SP100: variants seen among roughly 807,000 people sequenced by gnomAD.
SP100 encodes the protein SP100 nuclear body protein, also known as nuclear autoantigen Sp-100.
A neutral mutation model predicts 130.0 loss-of-function variants in SP100; 84 were observed. That is an observed-to-expected ratio of 0.65 (90% CI 0.54 to 0.77). SP100 has a LOEUF of 0.77. Ranked by LOEUF, SP100 falls within the 30% of genes least tolerant of loss-of-function variation. The probability of loss-of-function intolerance (pLI) is 0.00; values close to 1 mark genes in which losing one functional copy is unlikely to be tolerated. For missense variants in SP100, 978 were observed against 1,052.2 expected, an observed-to-expected ratio of 0.93 and a Z score of 0.97; for synonymous variants, 331 against 351.7, an observed-to-expected ratio of 0.94 and a Z score of 0.66.
chr2:230,446,758 C>T, intron 4 of SP100, 61 bp from the exon 5 acceptor site: 1 of 1,077,198 alleles, frequency 9.3e-7, no homozygotes. Context: ...AGCATGATTT[C>T]CAGACATTGT....
chr2:230,450,364 A>C, intron 8 of SP100, 109 bp downstream of exon 8: 1 of 707,056 alleles, frequency 1.4e-6, no homozygotes, highest in Non-Finnish European at 2.5e-6. Context: ...ACTTTTTAAA[A>C]TTACCAGATT....
At chr2:230,519,470 C>T (rs777466416) in intron 24 of SP100, among the ~76,000 whole-genome samples, 52 of 152,038 alleles carry the variant, frequency 3.4e-4, no homozygotes, top group Non-Finnish European at 7.4e-4. Flanking sequence ...ATACGTTTTC[C>T]CCCTTTTGAG....
rs140833216 is a variant in SP100, at chr2:230,477,341, G to A, written c.1600+2894G>A. On this transcript the variant is annotated intron_variant, in intron 17 of 28. Coordinates refer to ENST00000340126, the MANE Select transcript of SP100 (RefSeq NM_001080391.2). ...TCCTAGAGAAGTTTTAAATTTTTATGTAGTCAAATTTGTCAGCCTTTTTCT... is the reference window on the plus strand; with the variant it reads ...TCCTAGAGAAGTTTTAAATTTTTATATAGTCAAATTTGTCAGCCTTTTTCT... Among the ~76,000 whole-genome samples the A allele has an allele frequency of 1.4e-4, 22 of 151,782 alleles. No homozygotes were observed. In the East Asian group the frequency reaches 4.1e-3, roughly 28 times the overall value.
chr2:230,529,827 C>T (rs1173734947), intron 24 of SP100, among the ~76,000 whole-genome samples: 1 of 152,134 alleles, frequency 6.6e-6, no homozygotes, highest in Admixed American at 6.5e-5. Flanking sequence ...CTCCCATTCA[C>T]AATTACTACA....
intron 6 of SP100, 146 bp from the exon 7 acceptor site, chr2:230,449,415 C>T (rs928066511): frequency 4.4e-6 from 4 of 915,838 alleles, no homozygotes; most frequent in Non-Finnish European, 7.2e-6. Context: ...CCTGCTTCAC[C>T]ATTTTCTGCC....
At chr2:230,536,494 AC>A (rs900606328) in intron 24 of SP100, among the ~76,000 whole-genome samples, 26 of 152,124 alleles carry the variant, frequency 1.7e-4, no homozygotes, top group African/African-American at 6.0e-4. Flanking sequence ...CAACCGTCAG[AC>A]CCCCACATAA....
intron 23 of SP100, chr2:230,509,366 C>T (rs1690403535): frequency 6.6e-6 from 1 of 152,134 alleles, no homozygotes; most frequent in African/African-American, 2.4e-5. Flanking sequence ...AAGCTGGCTC[C>T]TGGGGCTACC....
intron 21 of SP100, among the ~76,000 whole-genome samples, chr2:230,505,934 G>A (rs796889782): frequency 7.9e-5 from 12 of 152,276 alleles, no homozygotes; most frequent in African/African-American, 2.6e-4. Context: ...CCACCTCTCT[G>A]AAATTCAGGC....
At chr2:230,479,435 T>TGAG (rs2065728624) in intron 17 of SP100, among the ~76,000 whole-genome samples, 1 of 152,224 alleles carries the variant, frequency 6.6e-6, no homozygotes, top group Non-Finnish European at 1.5e-5. Flanking sequence ...ACCACTTCCA[T>TGAG]TTGCCAGACC....
In SP100 at chr2:230,470,015, G is replaced by A. The variant is rs772985982; in HGVS notation, c.1346G>A (p.Arg449His). The A allele has an allele frequency of 1.9e-6, 3 of 1,611,058 alleles. No homozygotes were observed. Among genetic ancestry groups the A allele is most frequent in the Non-Finnish European group, 1.7e-6 (2 of 1,178,658 alleles). ...STWRIPSRKR[R>H]FSSSDFSDLS... Reference sequence around the variant, plus strand: ...TAAGGAATTTTATTTTTTTCTGCAGGTTTCAGCAGTAGTGACTTTTCAGAC... The same window carrying A: ...TAAGGAATTTTATTTTTTTCTGCAGATTTCAGCAGTAGTGACTTTTCAGAC... Residue 449 changes from arginine to histidine, a missense_variant and splice_region_variant, in exon 15 of 29, where the codon CGT becomes CAT. Physicochemically the swap from Arg to His is conservative, Grantham distance 29. Coordinates refer to ENST00000340126, the MANE Select transcript of SP100 (RefSeq NM_001080391.2).
At chr2:230,528,995 G>A (rs1351627792) in intron 24 of SP100, among the ~76,000 whole-genome samples, 1 of 152,116 alleles carries the variant, frequency 6.6e-6, no homozygotes. Context: ...TTCTACCAGA[G>A]GTACAAAGAG....
chr2:230,507,876 G>C (rs575836928), intron 22 of SP100, 117 bp from the exon 23 acceptor site: 41 of 861,960 alleles, frequency 4.8e-5, no homozygotes, highest in Non-Finnish European at 7.2e-5. Flanking sequence ...AAAATACCTT[G>C]AATTTGAGTT....
At position 230,452,180 on chromosome 2, in the gene SP100, AT is replaced by A. The variant is rs554361852; in HGVS notation, c.820+1939del. The stretch of plus-strand genomic sequence containing the variant: ...TCTATTTCTCAAAAATGCCATTTGA[AT>A]TTTTTTTTTTTTTGAGATGGAGTTT... On this transcript the variant is annotated intron_variant, in intron 8 of 28. Transcript: ENST00000340126. Among the ~76,000 whole-genome samples, 759 of 144,938 alleles carry A rather than the reference AT, an allele frequency of 5.2e-3. 4 individuals carry two copies. Among genetic ancestry groups the A allele is most frequent in the African/African-American group, 0.014 (540 of 39,756 alleles).
At chr2:230,460,343 T>C (rs935983233) in intron 8 of SP100, among the ~76,000 whole-genome samples, 8 of 152,214 alleles carry the variant, frequency 5.3e-5, no homozygotes, top group Admixed American at 3.3e-4. Context: ...CACAAGCATG[T>C]TGAGTAAAAT....
At chr2:230,419,606 A>G (rs2062712311) in intron 2 of SP100, among the ~76,000 whole-genome samples, 1 of 152,242 alleles carries the variant, frequency 6.6e-6, no homozygotes, top group Admixed American at 6.5e-5. Flanking sequence ...GGTTGTTAAT[A>G]TCTACAGTAT....
chr2:230,517,007 T>C (rs1690950321), intron 24 of SP100, among the ~76,000 whole-genome samples: 1 of 152,206 alleles, frequency 6.6e-6, no homozygotes, highest in African/African-American at 2.4e-5. Flanking sequence ...TAACAGATTT[T>C]TATAAATTTA....
chr2:230,443,192 G>A lies in SP100; in HGVS notation c.270+93G>A, dbSNP rs558915054. Reference sequence around the variant, plus strand: ...AGACCAAAACTTCAGGGTACAATTTGCTAACTGACAGGTCTCCTATGAGTG... The same window carrying A: ...AGACCAAAACTTCAGGGTACAATTTACTAACTGACAGGTCTCCTATGAGTG... On this transcript the variant is annotated intron_variant, in intron 3 of 28. Transcript: ENST00000340126. 5 of 1,256,606 alleles carry A rather than the reference G, an allele frequency of 4.0e-6. No individual in the cohort carries two copies. In the South Asian group the frequency reaches 6.6e-5, roughly 17 times the overall value. 77.8% of individuals were successfully genotyped at this position (1,256,606 alleles called of 1,614,324 possible).
Position 230,449,642 on chromosome 2 carries a change from G to A in SP100, c.668G>A (p.Ser223Asn), listed in dbSNP as rs770786656. 1 of 1,614,138 alleles carries A rather than the reference G, an allele frequency of 6.2e-7. No individual in the cohort carries two copies. The highest frequency in any genetic ancestry group is 8.5e-7 in the Non-Finnish European group (1 of 1,179,988). The change falls in exon 7 of 29, where the codon AGT becomes AAT. Residue 223 changes from serine (S) to asparagine (N), a missense_variant. Coordinates refer to ENST00000340126, the MANE Select transcript of SP100 (RefSeq NM_001080391.2). The part of the protein sequence containing the change: ...QINAKRKDTT[S>N]DKDDSLGSQQ... ...AATGCAAAGAGAAAAGATACAACCAGTGACAAAGATGATTCGCTAGGAAGC... is the reference window on the plus strand; with the variant it reads ...AATGCAAAGAGAAAAGATACAACCAATGACAAAGATGATTCGCTAGGAAGC...
At chr2:230,486,521 C>T (rs2066105914) in intron 17 of SP100, among the ~76,000 whole-genome samples, 1 of 152,192 alleles carries the variant, frequency 6.6e-6, no homozygotes, top group African/African-American at 2.4e-5. Context: ...CTTTTTATGG[C>T]TGCATAGTAG....
Sources: allele counts gnomAD v4.1 joint callset (sites outside exome capture counted in the v4.1 genomes callset), GRCh38; gene constraint gnomAD v4.1.1; transcripts MANE v1.5; gene names NCBI Gene and HGNC (gene_info 2026-07-23, HGNC 2026-07-21).